Variants in SLC30A7 observed in about 807,000 individuals in gnomAD.
The protein encoded by SLC30A7 is zinc transporter 7.
Under a neutral mutation model 46.0 loss-of-function variants are expected in SLC30A7, and 35 were observed. The observed-to-expected ratio is 0.76, with a 90% CI of 0.58 to 1.01. The LOEUF is 1.01. Ranked by LOEUF, SLC30A7 falls within the 50% of genes least tolerant of loss-of-function variation. The pLI is 0.00. For synonymous variants in SLC30A7, 147 were observed against 157.8 expected (o/e 0.93, Z 0.51); for missense variants, 464 against 451.1 (o/e 1.03, Z -0.26).
intron 8 of SLC30A7, among the ~76,000 whole-genome samples, chr1:100,954,793 A>G (rs1655138716): frequency 6.6e-6 from 1 of 151,908 alleles, no homozygotes; most frequent in Non-Finnish European, 1.5e-5. Context: ...ATCCATCACT[A>G]TGAATTAATT....
At chr1:100,919,219 T>TTTTTG (rs1250537743) in intron 7 of SLC30A7, among the ~76,000 whole-genome samples, 4 of 152,112 alleles carry the variant, frequency 2.6e-5, no homozygotes, top group Non-Finnish European at 5.9e-5. Context: ...TAGTAATTTT[T>TTTTTG]TTTTGTTTTG....
At chr1:100,927,066 A>C (rs1653350709) in intron 8 of SLC30A7, among the ~76,000 whole-genome samples, 2 of 152,206 alleles carry the variant, frequency 1.3e-5, no homozygotes, top group South Asian at 4.1e-4. Context: ...GGGCAGTGTA[A>C]CTGGAGCGCA....
chr1:100,909,961 T>C (rs1651975807), intron 3 of SLC30A7, among the ~76,000 whole-genome samples: 1 of 141,372 alleles, frequency 7.1e-6, no homozygotes, highest in Non-Finnish European at 1.6e-5. Context: ...TTAATGAACT[T>C]TTCTCCAGGA....
At chr1:100,958,176 G>GT (rs1334206712) in intron 8 of SLC30A7, among the ~76,000 whole-genome samples, 1 of 151,654 alleles carries the variant, frequency 6.6e-6, no homozygotes, top group Non-Finnish European at 1.5e-5. Flanking sequence ...TTGCGTTGTT[G>GT]TTGTTTTCTT....
rs1652152861 is a variant in SLC30A7 at position 100,912,242 on chromosome 1, T to G, written c.511+4T>G. 2.5e-6 allele frequency: 4 copies of G among 1,612,974 alleles called. No individual in the cohort carries two copies. The highest frequency in any genetic ancestry group is 3.4e-6 in the Non-Finnish European group (4 of 1,179,640). ...CATGGACATTCTCATGGCTCTGGTATGATGGTTAGGACACTTTGTTTCTTC... is the reference window on the plus strand; with the variant it reads ...CATGGACATTCTCATGGCTCTGGTAGGATGGTTAGGACACTTTGTTTCTTC... On this transcript the variant is annotated splice_donor_region_variant and intron_variant, in intron 5 of 10. Transcript: ENST00000357650.
chr1:100,916,209 T>C (rs1652533295), intron 6 of SLC30A7, among the ~76,000 whole-genome samples: 1 of 152,058 alleles, frequency 6.6e-6, no homozygotes, highest in Non-Finnish European at 1.5e-5. Context: ...ATTTTTGAGA[T>C]GGAGTCTCGC....
chr1:100,959,841 G>C (rs1278067650), intron 8 of SLC30A7, among the ~76,000 whole-genome samples: 2 of 152,160 alleles, frequency 1.3e-5, no homozygotes, highest in Non-Finnish European at 2.9e-5. Context: ...CACTGAAGCT[G>C]CCTGTTACGT....
At chr1:100,918,775 A>T (rs138440924) in intron 7 of SLC30A7, among the ~76,000 whole-genome samples, 7 of 152,344 alleles carry the variant, frequency 4.6e-5, no homozygotes, top group African/African-American at 1.7e-4. Flanking sequence ...AGTCCACTGT[A>T]GAGTACAGTA....
At position 100,918,147 on chromosome 1, in the gene SLC30A7, T is replaced by C. The variant is rs372132555; in HGVS notation, c.706+20T>C. The C allele has an allele frequency of 3.4e-5, 55 of 1,606,300 alleles. No homozygotes were observed. The African/African-American group carries it at 5.2e-4, about 15-fold the overall frequency. On this transcript the variant is annotated intron_variant, in intron 7 of 10. Coordinates refer to ENST00000357650, the MANE Select transcript of SLC30A7 (RefSeq NM_133496.5). ...TACAAGGTATGACAAGCAATTTTTA[T>C]GTTTCTTAGTTTTTTGAAACTGCTT...
downstream of SLC30A7, among the ~76,000 whole-genome samples, chr1:100,983,402 A>AAAC (rs1558021964): frequency 1.5e-4 from 21 of 139,122 alleles, no homozygotes; most frequent in African/African-American, 5.5e-4. Flanking sequence ...AAAACAAAAC[A>AAAC]AAACAAAAAA....
At chr1:100,900,253 G>T (rs918713019) in intron 2 of SLC30A7, among the ~76,000 whole-genome samples, 1 of 152,118 alleles carries the variant, frequency 6.6e-6, no homozygotes, top group African/African-American at 2.4e-5. Context: ...TACCAAAGCT[G>T]TTGCAACCAT....
chr1:100,965,645 TC>T (rs1421980857), intron 9 of SLC30A7, 123 bp from the exon 10 acceptor site: 8 of 760,618 alleles, frequency 1.1e-5, no homozygotes, highest in Non-Finnish European at 1.8e-5. Flanking sequence ...TATTCAAACA[TC>T]CTCCTTTCCT....
rs1654283520 is a variant in SLC30A7 at position 100,940,661 on chromosome 1, T to TGGATGCAAAA, written c.842+18820_842+18821insGGATGCAAAA. On this transcript the variant is annotated intron_variant, in intron 8 of 10. Coordinates refer to ENST00000357650, the MANE Select transcript of SLC30A7 (RefSeq NM_133496.5). The stretch of plus-strand genomic sequence containing the variant: ...GAAATACAAATTTAATGTGATTAAT[T>TGGATGCAAAA]AATTTATTTTTAAAGACACATTCAG... 2.0e-5 allele frequency among the ~76,000 whole-genome samples: 3 copies of TGGATGCAAAA among 152,352 alleles called. No individual in the cohort carries two copies. The South Asian group carries it at 6.2e-4, about 32-fold the overall frequency.
chr1:100,913,722 G>C lies in SLC30A7; in HGVS notation c.571G>C (p.Asp191His). 3.1e-6 allele frequency: 5 copies of C among 1,613,784 alleles called. No homozygotes were observed. Among genetic ancestry groups the C allele is most frequent in the Non-Finnish European group, 4.2e-6 (5 of 1,179,804 alleles). ...TCTAGATCAGGCACATGGCCATGTC[G>C]ATCATTGCCATAGCCATGAAGTGAA... ...GALDQAHGHV[D>H]HCHSHEVKHG... Residue 191 changes from aspartate to histidine, a missense_variant, in exon 6 of 11, where the codon GAT becomes CAT. By Grantham distance (81) the Asp-to-His change is moderately conservative. Coordinates refer to ENST00000357650, the MANE Select transcript of SLC30A7 (RefSeq NM_133496.5).
At chr1:100,974,520 G>A (rs1656345743) in intron 10 of SLC30A7, among the ~76,000 whole-genome samples, 1 of 152,098 alleles carries the variant, frequency 6.6e-6, no homozygotes, top group Non-Finnish European at 1.5e-5. Context: ...AAGCATCATG[G>A]TGTCCTCTAA....
the SLC30A7 span, among the ~76,000 whole-genome samples, chr1:100,987,666 CTCTT>C: frequency 7.3e-6 from 1 of 137,100 alleles, no homozygotes; most frequent in Admixed American, 7.1e-5. Context: ...CTGTTGTCTG[CTCTT>C]TTTTTTTTTT....
intron 4 of SLC30A7, 37 bp from the exon 5 acceptor site, chr1:100,912,075 A>G: frequency 1.9e-6 from 3 of 1,582,550 alleles, no homozygotes; most frequent in Non-Finnish European, 2.6e-6. Flanking sequence ...ATCAGAAATA[A>G]TATCTATGCT....
chr1:100,986,071 T>C (rs1369552936), downstream of SLC30A7, among the ~76,000 whole-genome samples: 1 of 152,120 alleles, frequency 6.6e-6, no homozygotes, highest in African/African-American at 2.4e-5. Context: ...GAAAAGATGA[T>C]CCACATCATT....
intron 8 of SLC30A7, among the ~76,000 whole-genome samples, chr1:100,938,419 A>G (rs780954652): frequency 5.3e-5 from 8 of 152,206 alleles, no homozygotes; most frequent in Non-Finnish European, 1.2e-4. Flanking sequence ...TCTAACATCT[A>G]TCACACTTCG....
Sources: gnomAD v4.1 joint callset for allele counts (sites outside exome capture counted in the v4.1 genomes callset) on GRCh38, gnomAD v4.1.1 for gene constraint, MANE v1.5 for transcripts, NCBI Gene and HGNC (gene_info 2026-07-23, HGNC 2026-07-21) for gene names.